Variants in KCNG3 observed in about 807,000 individuals in gnomAD.
KCNG3 encodes the protein voltage-gated potassium channel regulatory subunit KCNG3.
A neutral mutation model predicts 29.0 loss-of-function variants in KCNG3; 15 were observed. The observed-to-expected ratio is 0.52, with a 90% CI of 0.35 to 0.80. KCNG3 has a LOEUF of 0.80. Ranked by LOEUF, KCNG3 falls within the 30% of genes least tolerant of loss-of-function variation. The pLI, the probability that KCNG3 is intolerant of heterozygous loss-of-function variation, is 0.01. For missense variants in KCNG3, 512 were observed against 605.7 expected, an observed-to-expected ratio of 0.85 and a Z score of 1.62; for synonymous variants, 322 against 248.9, an observed-to-expected ratio of 1.29 and a Z score of -2.76.
chr2:42,416,928 T>C, the KCNG3 span, among the ~76,000 whole-genome samples: 4 of 151,774 alleles, frequency 2.6e-5, no homozygotes, highest in Admixed American at 1.3e-4. Flanking sequence ...CATCATGTCA[T>C]ACCCCACAAA....
In KCNG3 at chr2:42,452,243, A is replaced by ATT. The variant is rs771771721; in HGVS notation, c.666-7666_666-7665dup. Among the ~76,000 whole-genome samples, 349 of 95,026 alleles carry ATT rather than the reference A, an allele frequency of 3.7e-3. 2 individuals carry two copies. The highest frequency in any genetic ancestry group is 6.7e-3 in the African/African-American group (171 of 25,350). 62.3% of individuals were successfully genotyped at this position (95,026 alleles called of 152,430 possible). A position where few individuals can be genotyped will look rare whatever the true frequency, so the allele number is the denominator to read the frequency against. ...TAAATATATATATATATATATATAT[A>ATT]TTTTTTTTTTTTTTTTAAAGGAAAC... is the stretch of plus-strand genomic sequence containing the variant. On this transcript the variant is annotated intron_variant, in intron 1 of 1. Transcript: ENST00000306078.
the KCNG3 span, among the ~76,000 whole-genome samples, chr2:42,435,846 A>C: frequency 1.8e-4 from 27 of 152,344 alleles, 1 homozygote; most frequent in South Asian, 5.6e-3. Context: ...CTCCTCAAAA[A>C]GTTAAACATT....
chr2:42,413,785 A>G, the KCNG3 span: 1 of 152,372 alleles, frequency 6.6e-6, no homozygotes, highest in African/African-American at 2.4e-5. Context: ...AAAGCCCCTT[A>G]TAAAACCATC....
intron 1 of KCNG3, among the ~76,000 whole-genome samples, chr2:42,474,336 T>C (rs12615095): frequency 0.26 from 40,068 of 151,798 alleles, 5,999 homozygotes; most frequent in East Asian, 0.57. Flanking sequence ...GAGACCAGCC[T>C]GGCCAACGTG....
At chr2:42,427,469 C>T in the KCNG3 span, among the ~76,000 whole-genome samples, 2 of 151,768 alleles carry the variant, frequency 1.3e-5, no homozygotes, top group African/African-American at 4.8e-5. Flanking sequence ...AGCTGGGTGT[C>T]ATGGCATGTG....
the KCNG3 span, among the ~76,000 whole-genome samples, chr2:42,409,729 AT>A: frequency 4.3e-3 from 330 of 76,358 alleles, 11 homozygotes; most frequent in African/African-American, 7.2e-3. Flanking sequence ...AAAAAAAAAA[AT>A]TTTTTTTTAA....
chr2:42,473,765 G>T (rs1490466239), intron 1 of KCNG3, among the ~76,000 whole-genome samples: 1 of 152,068 alleles, frequency 6.6e-6, no homozygotes, highest in African/African-American at 2.4e-5. Flanking sequence ...GTTTTTAAAT[G>T]CTTAAATTTT....
intron 1 of KCNG3, among the ~76,000 whole-genome samples, chr2:42,472,338 T>C (rs1253855640): frequency 6.6e-6 from 1 of 152,182 alleles, no homozygotes; most frequent in Non-Finnish European, 1.5e-5. Context: ...ATTATACCAT[T>C]ATAAAAACAG....
chr2:42,493,406 C>A lies in KCNG3; in HGVS notation c.96G>T (p.Leu32=). ...LSRELLKDFP[L]RRVSRLHGCR... ...AGCCGTGCAGCCGGCTCACGCGGCG[C>A]AGCGGGAAGTCCTTCAGCAGCTCCC... is the stretch of plus-strand genomic sequence containing the variant. Residue 32 remains leucine (L), a synonymous_variant, in exon 1 of 2, where the codon CTG becomes CTT. Transcript: ENST00000306078. 6.6e-7 allele frequency: 1 copy of A among 1,516,730 alleles called. No homozygotes were observed. The highest frequency in any genetic ancestry group is 8.8e-7 in the Non-Finnish European group (1 of 1,134,462). 94.0% of individuals were successfully genotyped at this position (1,516,730 alleles called of 1,614,324 possible).
At chr2:42,466,636 T>C (rs1673146987) in intron 1 of KCNG3, among the ~76,000 whole-genome samples, 1 of 151,974 alleles carries the variant, frequency 6.6e-6, no homozygotes, top group South Asian at 2.1e-4. Context: ...GCATCTCCGG[T>C]CGTTATGCGA....
At position 42,493,078 on chromosome 2, in the gene KCNG3, G is replaced by C. The variant is rs1446759119; in HGVS notation, c.424C>G (p.Pro142Ala). 6.4e-7 allele frequency: 1 copy of C among 1,553,122 alleles called. No homozygotes were observed. Among genetic ancestry groups the C allele is most frequent in the Non-Finnish European group, 8.7e-7 (1 of 1,153,942 alleles). The change falls in exon 1 of 2, where the codon CCC (proline) becomes GCC (alanine). Residue 142 changes from proline (P) to alanine (A), a missense_variant. Transcript: ENST00000306078. ...GAGGGAGCCGCCTCGGCCCCGCCGG[G>C]GCGCGCCTCGTCGCGGCCCAGCACG... ...PGVLGRDEAR[P>A]GGAEAAPSRR...
In KCNG3 at chr2:42,444,442, G is replaced by C. The variant is rs1244534144; in HGVS notation, c.803C>G (p.Ser268Cys). ...GCCTGTAAACACTGTCATCAACACA[G>C]AGATGTAATACGGCGTGATTGCCAG... ...DLLAITPYYI[S>C]VLMTVFTGEN... Residue 268 changes from serine to cysteine, a missense_variant, in exon 2 of 2, where the codon TCT (serine) becomes TGT (cysteine). Physicochemically the swap from Ser to Cys is moderately radical, Grantham distance 112. Transcript: ENST00000306078. This position sits in a 1 kb window ranked among gnomAD's most constrained non-coding sequence, Gnocchi z 5.8. The C allele has an allele frequency of 6.2e-7, 1 of 1,614,180 alleles. No homozygotes were observed.
intron 1 of KCNG3, among the ~76,000 whole-genome samples, chr2:42,450,032 T>G (rs1417889218): frequency 2.6e-5 from 4 of 152,160 alleles, no homozygotes; most frequent in African/African-American, 9.7e-5. Context: ...TACATGGATC[T>G]TATAAGGACC....
chr2:42,429,994 C>T, the KCNG3 span, among the ~76,000 whole-genome samples: 2 of 152,158 alleles, frequency 1.3e-5, no homozygotes, highest in African/African-American at 2.4e-5. Context: ...ACTAATGAGT[C>T]TATAAATACA....
chr2:42,445,556 C>T (rs1290470242), intron 1 of KCNG3, among the ~76,000 whole-genome samples: 2 of 152,122 alleles, frequency 1.3e-5, no homozygotes, highest in East Asian at 1.9e-4. Context: ...GCAAAATGGC[C>T]GCTAGGATTT....
chr2:42,482,388 G>A (rs1387087929), intron 1 of KCNG3, among the ~76,000 whole-genome samples: 1 of 152,074 alleles, frequency 6.6e-6, no homozygotes, highest in East Asian at 1.9e-4. Flanking sequence ...AGACCAGAAT[G>A]GAAACACAGA....
intron 1 of KCNG3, among the ~76,000 whole-genome samples, chr2:42,449,256 A>T (rs911022514): frequency 6.6e-5 from 10 of 151,886 alleles, no homozygotes; most frequent in Non-Finnish European, 1.5e-4. Flanking sequence ...TATTTTTCTT[A>T]ATGATTGGGG....
the KCNG3 span, among the ~76,000 whole-genome samples, chr2:42,424,624 AAAG>A: frequency 1.5e-4 from 23 of 152,292 alleles, no homozygotes; most frequent in East Asian, 2.5e-3. Flanking sequence ...AATAAAATAT[AAAG>A]AAGAACTCAA....
Position 42,493,385 on chromosome 2 carries a change from G to A in KCNG3, c.117C>T (p.His39=), listed in dbSNP as rs1359416594. The A allele has an allele frequency of 6.5e-7, 1 of 1,538,042 alleles. No homozygotes were observed. Among genetic ancestry groups the A allele is most frequent in the South Asian group, 1.2e-5 (1 of 80,034 alleles). Residue 39 remains histidine, a synonymous_variant, in exon 1 of 2, where the codon CAC becomes CAT. Coordinates refer to ENST00000306078, the MANE Select transcript of KCNG3 (RefSeq NM_133329.6). ...GCACGTCGCGCTCGGAGCGGCAGCC[G>A]TGCAGCCGGCTCACGCGGCGCAGCG... ...DFPLRRVSRL[H]GCRSERDVLE...
Sources: gnomAD v4.1 joint callset for allele counts (sites outside exome capture counted in the v4.1 genomes callset) on GRCh38, gnomAD v4.1.1 for gene constraint, Gnocchi (gnomAD v3.1) non-coding constraint, MANE v1.5 for transcripts, NCBI Gene and HGNC (gene_info 2026-07-23, HGNC 2026-07-21) for gene names.